MECOM: variants seen among roughly 807,000 people sequenced by gnomAD.
MECOM encodes the protein MDS1 and EVI1 complex locus, also known as histone-lysine N-methyltransferase MECOM.
Under a neutral mutation model 116.3 loss-of-function variants are expected in MECOM, and 13 were observed. The observed-to-expected ratio is 0.11, with a 90% confidence interval of 0.07 to 0.18. The LOEUF is 0.18. Ranked by LOEUF, MECOM falls within the 10% of genes least tolerant of loss-of-function variation. The pLI is 1.00. For missense variants in MECOM, 1,299 were observed against 1,509.0 expected (o/e 0.86, Z 2.31); for synonymous variants, 528 against 535.2 (o/e 0.99, Z 0.19).
chr3:169,492,587 G>A (rs561181050), intron 1 of MECOM, among the ~76,000 whole-genome samples: 14 of 152,168 alleles, frequency 9.2e-5, no homozygotes, highest in South Asian at 4.2e-4. Context: ...TACCATACAC[G>A]TGTTTAATAC....
chr3:169,270,429 T>G (rs1395559583), intron 2 of MECOM, among the ~76,000 whole-genome samples: 1 of 152,048 alleles, frequency 6.6e-6, no homozygotes, highest in Non-Finnish European at 1.5e-5. Context: ...TTTATAATAT[T>G]TATGTATTTA....
At chr3:169,399,692 A>G (rs886085343) in intron 1 of MECOM, among the ~76,000 whole-genome samples, 1 of 152,230 alleles carries the variant, frequency 6.6e-6, no homozygotes, top group Non-Finnish European at 1.5e-5. Flanking sequence ...ATGAGCCTAG[A>G]GTTTGAAAAT....
chr3:169,520,207 T>C (rs1757185703), intron 1 of MECOM, among the ~76,000 whole-genome samples: 1 of 152,200 alleles, frequency 6.6e-6, no homozygotes, highest in African/African-American at 2.4e-5. Flanking sequence ...ATCCCTAAAT[T>C]CAACATTGCT....
chr3:169,404,223 A>C (rs894269237), intron 1 of MECOM, among the ~76,000 whole-genome samples: 4 of 152,186 alleles, frequency 2.6e-5, no homozygotes, highest in African/African-American at 4.8e-5. Flanking sequence ...GTTTGAAAAA[A>C]GTTGCTAAGG....
intron 1 of MECOM, among the ~76,000 whole-genome samples, chr3:169,426,601 G>A (rs868156173): frequency 2.0e-5 from 3 of 152,326 alleles, no homozygotes; most frequent in Middle Eastern, 3.4e-3. Context: ...CTGATTTAAA[G>A]TCAATGAATA....
At chr3:169,404,714 C>T (rs1373299486) in intron 1 of MECOM, among the ~76,000 whole-genome samples, 2 of 152,160 alleles carry the variant, frequency 1.3e-5, no homozygotes, top group Admixed American at 1.3e-4. Flanking sequence ...AGGCTCTGGC[C>T]ACCCCGCCGG....
In MECOM at chr3:169,121,189, G is replaced by T; in HGVS notation, c.999C>A (p.Asn333Lys). 4 of 1,611,158 alleles carry T rather than the reference G, an allele frequency of 2.5e-6. No homozygotes were observed. The highest frequency in any genetic ancestry group is 3.4e-6 in the Non-Finnish European group (4 of 1,178,554). The change falls in exon 7 of 17, where the codon AAC becomes AAA. Residue 333 changes from asparagine to lysine, a missense_variant. Transcript: ENST00000651503. ...NCAKVFTDPS[N>K]LQRHIRSQHV... The stretch of plus-strand genomic sequence containing the variant: ...GCTGAGAGCGAATGTGCCGCTGAAG[G>T]TTGCTAGGGTCCGTGAAAACCTGCT...
intron 2 of MECOM, among the ~76,000 whole-genome samples, chr3:169,324,987 C>T (rs952336104): frequency 2.6e-5 from 4 of 152,122 alleles, no homozygotes; most frequent in Non-Finnish European, 5.9e-5. Flanking sequence ...CAGCTCTTCA[C>T]ACTACTCACA....
intron 1 of MECOM, among the ~76,000 whole-genome samples, chr3:169,394,085 C>T (rs192853622): frequency 3.3e-5 from 5 of 152,182 alleles, no homozygotes; most frequent in Non-Finnish European, 7.4e-5. Flanking sequence ...CAGGCTTTTG[C>T]TATTGTTGCT....
rs971878701 is a variant in MECOM, at chr3:169,172,145, A to G, written c.376-28313T>C. Among the ~76,000 whole-genome samples the G allele has an allele frequency of 3.6e-4, 55 of 151,826 alleles. 1 individual carries two copies. The highest frequency in any genetic ancestry group is 1.3e-3 in the African/African-American group (54 of 41,464). On this transcript the variant is annotated intron_variant, in intron 2 of 16. Transcript: ENST00000651503. ...TATGAAAAAATACCAAAAAAAAAAAATCTTCCCATGATTCGATCTGAAAGA... is the reference window on the plus strand; with the variant it reads ...TATGAAAAAATACCAAAAAAAAAAAGTCTTCCCATGATTCGATCTGAAAGA...
intron 1 of MECOM, among the ~76,000 whole-genome samples, chr3:169,658,146 C>A (rs1775758469): frequency 6.6e-6 from 1 of 152,080 alleles, no homozygotes; most frequent in South Asian, 2.1e-4. Context: ...GTGGGGAAGT[C>A]GGGAGGGAAC....
chr3:169,216,409 T>C (rs2149486682), intron 2 of MECOM, among the ~76,000 whole-genome samples: 1 of 152,324 alleles, frequency 6.6e-6, no homozygotes, highest in African/African-American at 2.4e-5. Context: ...GGCATAGGTG[T>C]ATCTTAAAAG....
At chr3:169,130,558 A>G (rs758435855) in intron 4 of MECOM, among the ~76,000 whole-genome samples, 3 of 151,106 alleles carry the variant, frequency 2.0e-5, no homozygotes, top group Non-Finnish European at 4.4e-5. Context: ...TTGTTCAAGT[A>G]AAGAGAACCC....
chr3:169,633,567 G>T (rs1772345518), intron 1 of MECOM, among the ~76,000 whole-genome samples: 1 of 152,110 alleles, frequency 6.6e-6, no homozygotes, highest in African/African-American at 2.4e-5. Flanking sequence ...TCTTGCCAAG[G>T]ATCTAGCACT....
chr3:169,152,235 A>T (rs964903502), intron 2 of MECOM, among the ~76,000 whole-genome samples: 2 of 151,772 alleles, frequency 1.3e-5, no homozygotes, highest in Admixed American at 6.6e-5. Flanking sequence ...GCCTTTTTTT[A>T]TTTTTTTTAA....
chr3:169,097,965 C>A (rs1722262895), intron 12 of MECOM, among the ~76,000 whole-genome samples: 1 of 151,898 alleles, frequency 6.6e-6, no homozygotes, highest in South Asian at 2.1e-4. Context: ...TAGAACTTTC[C>A]AGAAGGCACA....
In MECOM at chr3:169,321,647, C is replaced by T. The variant is rs80224763; in HGVS notation, c.375+59540G>A. On this transcript the variant is annotated intron_variant, in intron 2 of 16. Transcript: ENST00000651503. ...AAAGCCTTGAAGAGTTGGGCAGTGA[C>T]TCTTCAGGGAGATGGAATGTGGACC... Among the ~76,000 whole-genome samples, 27 of 152,182 alleles carry T rather than the reference C, an allele frequency of 1.8e-4. No homozygotes were observed. In the East Asian group the frequency reaches 4.8e-3, roughly 27 times the overall value.
intron 1 of MECOM, among the ~76,000 whole-genome samples, chr3:169,418,740 CAT>C (rs775337941): frequency 6.6e-6 from 1 of 152,082 alleles, no homozygotes; most frequent in Non-Finnish European, 1.5e-5. Flanking sequence ...ATTGATGGAA[CAT>C]ATGTCAAAAT....
intron 2 of MECOM, among the ~76,000 whole-genome samples, chr3:169,236,272 G>C (rs1036153007): frequency 1.3e-5 from 2 of 152,164 alleles, no homozygotes; most frequent in African/African-American, 4.8e-5. Context: ...AAGTGGAGAA[G>C]CATCTGTACT....
Sources: allele counts gnomAD v4.1 joint callset (sites outside exome capture counted in the v4.1 genomes callset), GRCh38; gene constraint gnomAD v4.1.1; transcripts MANE v1.5; gene names NCBI Gene and HGNC (gene_info 2026-07-23, HGNC 2026-07-21).